The following SIM2 variants were observed in gnomAD, a reference collection of about 807,000 sequenced individuals.
The protein encoded by SIM2 is single-minded homolog 2.
SIM2 carries 28 observed loss-of-function variants against 64.8 expected under a neutral mutation model. That is an observed-to-expected ratio of 0.43 (90% CI 0.32 to 0.59). The LOEUF (loss-of-function observed/expected upper bound fraction) is 0.59, where lower values mean the gene tolerates loss of function less well. SIM2 is among the 20% of genes least tolerant of loss of function. The pLI, the probability that SIM2 is intolerant of heterozygous loss-of-function variation, is 0.07. For synonymous variants in SIM2, 408 were observed against 391.1 expected (o/e 1.04, Z -0.51); for missense variants, 847 against 871.4 (o/e 0.97, Z 0.35).
intron 1 of SIM2, among the ~76,000 whole-genome samples, chr21:36,704,611 C>T (rs1647772960): frequency 1.3e-5 from 2 of 152,056 alleles, no homozygotes; most frequent in Non-Finnish European, 2.9e-5. Flanking sequence ...AACCCCGGGG[C>T]GGAAAGGGAG....
chr21:36,704,304 G>T (rs1037198250), intron 1 of SIM2, among the ~76,000 whole-genome samples: 4 of 152,226 alleles, frequency 2.6e-5, no homozygotes, highest in African/African-American at 9.7e-5. Flanking sequence ...ACCCCTCAGG[G>T]CGTCAGAGAT....
At chr21:36,723,275 T>G in intron 5 of SIM2, 145 bp downstream of exon 5, 1 of 663,244 alleles carries the variant, frequency 1.5e-6, no homozygotes, top group South Asian at 1.8e-5. Context: ...GTGCACAGTC[T>G]CTTGGAGGCT....
chr21:36,711,585 G>A (rs2088678242), intron 2 of SIM2, among the ~76,000 whole-genome samples: 1 of 152,142 alleles, frequency 6.6e-6, no homozygotes, highest in Non-Finnish European at 1.5e-5. Flanking sequence ...AAAAACCAAA[G>A]GTAATCTGGT....
chr21:36,720,118 G>C (rs931052400), intron 4 of SIM2, 189 bp downstream of exon 4: 22 of 582,514 alleles, frequency 3.8e-5, no homozygotes, highest in Middle Eastern at 3.5e-4. Flanking sequence ...TGTCTTTTAA[G>C]CCAATATTCA....
intron 1 of SIM2, among the ~76,000 whole-genome samples, chr21:36,708,933 G>A (rs1048064564): frequency 6.6e-6 from 1 of 152,204 alleles, no homozygotes; most frequent in Non-Finnish European, 1.5e-5. Flanking sequence ...TCGCACAGGC[G>A]CCCGGGCTGC....
At chr21:36,741,326 AC>A (rs913550059) in intron 7 of SIM2, among the ~76,000 whole-genome samples, 8 of 151,392 alleles carry the variant, frequency 5.3e-5, no homozygotes, top group African/African-American at 1.7e-4. Context: ...TACATCACTC[AC>A]CCCCCCTCCC....
At chr21:36,712,288 G>C (rs1289651863) in intron 2 of SIM2, among the ~76,000 whole-genome samples, 1 of 152,228 alleles carries the variant, frequency 6.6e-6, no homozygotes, top group Non-Finnish European at 1.5e-5. Context: ...CATGATTTTT[G>C]TGATGTGGAT....
At chr21:36,711,435 G>A (rs951479034) in intron 2 of SIM2, among the ~76,000 whole-genome samples, 48 of 152,344 alleles carry the variant, frequency 3.2e-4, no homozygotes, top group African/African-American at 1.2e-3. Flanking sequence ...TAGCATCGGG[G>A]AAGGTAATGA....
At chr21:36,724,693 A>G (rs1347261394) in intron 5 of SIM2, among the ~76,000 whole-genome samples, 1 of 152,208 alleles carries the variant, frequency 6.6e-6, no homozygotes, top group Non-Finnish European at 1.5e-5. Flanking sequence ...GGGAGAATAG[A>G]CTGGAAGGAT....
rs776746582 is a variant in SIM2, at chr21:36,719,945, G to GA, written c.457+16_457+17insA. ...CTGCTCCAAGGTATTCCATCCAGAG[G>GA]GAAAAAAAAAAACAGACTAAAAGCA... On this transcript the variant is annotated intron_variant, in intron 4 of 10. Transcript: ENST00000290399. The GA allele has an allele frequency of 7.3e-6, 11 of 1,508,126 alleles. No homozygotes were observed. The highest frequency in any genetic ancestry group is 7.2e-5 in the African/African-American group (5 of 68,976). 93.4% of individuals were successfully genotyped at this position (1,508,126 alleles called of 1,614,324 possible).
chr21:36,730,131 C>T (rs922621062), intron 6 of SIM2, among the ~76,000 whole-genome samples: 15 of 152,172 alleles, frequency 9.9e-5, no homozygotes, highest in African/African-American at 2.9e-4. Flanking sequence ...AATCACCCAG[C>T]GGCAGCATCC....
chr21:36,720,741 T>C (rs1180117489), intron 4 of SIM2, among the ~76,000 whole-genome samples: 2 of 152,240 alleles, frequency 1.3e-5, no homozygotes, highest in African/African-American at 4.8e-5. Flanking sequence ...CCCTGGTCAT[T>C]ACACAAATGA....
chr21:36,738,397 C>T (rs1254513849), intron 7 of SIM2, among the ~76,000 whole-genome samples: 1 of 151,976 alleles, frequency 6.6e-6, no homozygotes, highest in Non-Finnish European at 1.5e-5. Context: ...CCCAGCTACT[C>T]GGGAGGCTGA....
rs1427422524 is a variant in SIM2 at position 36,748,371 on chromosome 21, C to CT, written c.*281dup. 5.9e-6 allele frequency: 1 copy of CT among 170,300 alleles called. No homozygotes were observed. Among genetic ancestry groups the CT allele is most frequent in the East Asian group, 1.5e-4 (1 of 6,698 alleles). The allele number at this position is 170,300 out of a possible 1,614,324, so 10.5% of individuals were successfully genotyped here. A position where few individuals can be genotyped will look rare whatever the true frequency, so the allele number is the denominator to read the frequency against. On this transcript the variant is annotated 3_prime_UTR_variant, in exon 11 of 11. Coordinates refer to ENST00000290399, the MANE Select transcript of SIM2 (RefSeq NM_005069.6). ...TTGGTTTCCTCACCTTGAAATCGGG[C>CT]TTCACGCGTCTTGCCTTGTCCCCAA...
At chr21:36,705,864 G>A (rs1423087186) in intron 1 of SIM2, among the ~76,000 whole-genome samples, 1 of 152,216 alleles carries the variant, frequency 6.6e-6, no homozygotes, top group African/African-American at 2.4e-5. Context: ...GGTTGCCGGA[G>A]GGGCAGTGAG....
intron 1 of SIM2, among the ~76,000 whole-genome samples, chr21:36,707,962 G>T (rs1031455644): frequency 3.3e-5 from 5 of 150,176 alleles, no homozygotes; most frequent in African/African-American, 1.2e-4. Flanking sequence ...GCTGGGGCTG[G>T]GCCTGGCCCA....
At position 36,744,893 on chromosome 21, in the gene SIM2, G is replaced by T; in HGVS notation, c.1333G>T (p.Gly445Ter). ...SYSLPFSYHY[G>*]HFPLDSHVFS... ...CAGCCTGCCCTTCTCCTACCATTAC[G>T]GACACTTCCCTCTGGACTCTCACGT... Residue 445 changes from glycine (G) to a stop codon, truncating the protein, a stop_gained, in exon 10 of 11, where the codon GGA becomes TGA. Transcript: ENST00000290399. LOFTEE classifies it high-confidence loss of function. 1 of 1,614,216 alleles carries T rather than the reference G, an allele frequency of 6.2e-7. No individual in the cohort carries two copies. The highest frequency in any genetic ancestry group is 8.5e-7 in the Non-Finnish European group (1 of 1,180,046).
intron 3 of SIM2, among the ~76,000 whole-genome samples, chr21:36,712,984 T>C (rs908301725): frequency 6.6e-6 from 1 of 152,194 alleles, no homozygotes; most frequent in African/African-American, 2.4e-5. Flanking sequence ...GTCTGCACGT[T>C]ACGGTATTAT....
intron 7 of SIM2, among the ~76,000 whole-genome samples, chr21:36,735,080 C>T (rs373772940): frequency 3.0e-4 from 46 of 152,244 alleles, no homozygotes; most frequent in Middle Eastern, 6.8e-3. Flanking sequence ...CGCTCAACGC[C>T]GGGGATACCC....
Sources: gnomAD v4.1 joint callset for allele counts (sites outside exome capture counted in the v4.1 genomes callset) on GRCh38, gnomAD v4.1.1 for gene constraint, MANE v1.5 for transcripts, NCBI Gene and HGNC (gene_info 2026-07-23, HGNC 2026-07-21) for gene names.